CAMTA1: variants seen among roughly 807,000 people sequenced by gnomAD.
CAMTA1 encodes calmodulin-binding transcription activator 1.
Under a neutral mutation model 170.9 loss-of-function variants are expected in CAMTA1, and 27 were observed. The ratio of observed to expected loss-of-function variants is 0.16; its 90% CI spans 0.12 to 0.22. The LOEUF (loss-of-function observed/expected upper bound fraction) is 0.22. CAMTA1 is among the 10% of genes least tolerant of loss of function. The pLI, the probability that CAMTA1 is intolerant of heterozygous loss-of-function variation, is 1.00. For missense variants in CAMTA1, 1,619 were observed against 2,217.2 expected (o/e 0.73, Z 5.42); for synonymous variants, 833 against 891.5 (o/e 0.93, Z 1.17).
At chr1:6,931,178 C>T (rs1313338711) in intron 3 of CAMTA1, among the ~76,000 whole-genome samples, 1 of 152,114 alleles carries the variant, frequency 6.6e-6, no homozygotes. Context: ...CTGGGCACCC[C>T]TAGGGAGCTT....
chr1:7,340,931 C>T (rs1458801998), intron 5 of CAMTA1, among the ~76,000 whole-genome samples: 2 of 152,134 alleles, frequency 1.3e-5, no homozygotes, highest in African/African-American at 4.8e-5. Flanking sequence ...GGAGTGAACG[C>T]CATGATAAAA....
intron 11 of CAMTA1, among the ~76,000 whole-genome samples, chr1:7,701,974 T>C (rs12061488): frequency 0.024 from 3,683 of 152,178 alleles, 134 homozygotes; most frequent in African/African-American, 0.083. Flanking sequence ...ACTCGGGGCT[T>C]GCCTCAGGAG....
intron 11 of CAMTA1, among the ~76,000 whole-genome samples, chr1:7,687,921 C>T (rs954352900): frequency 9.2e-5 from 14 of 151,700 alleles, no homozygotes; most frequent in African/African-American, 3.1e-4. Context: ...GTGCAAGAAT[C>T]GTGCAGATTC....
intron 3 of CAMTA1, among the ~76,000 whole-genome samples, chr1:6,828,300 T>TG (rs1011922008): frequency 7.0e-5 from 10 of 143,208 alleles, no homozygotes; most frequent in Non-Finnish European, 1.2e-4. Flanking sequence ...TTTTTTTTTT[T>TG]TTTTTTTTTT....
intron 5 of CAMTA1, among the ~76,000 whole-genome samples, chr1:7,296,615 G>A (rs1673978604): frequency 6.6e-6 from 1 of 152,180 alleles, no homozygotes; most frequent in Admixed American, 6.5e-5. Flanking sequence ...CTGAGTGAAT[G>A]ACGGTGCTAT....
chr1:7,264,922 A>C (rs1240031271), intron 5 of CAMTA1, among the ~76,000 whole-genome samples: 3 of 152,200 alleles, frequency 2.0e-5, no homozygotes, highest in African/African-American at 7.2e-5. Flanking sequence ...TTTGTTTATA[A>C]AAAGCCAAAT....
chr1:7,313,214 C>T (rs1677004812), intron 5 of CAMTA1, among the ~76,000 whole-genome samples: 1 of 152,164 alleles, frequency 6.6e-6, no homozygotes, highest in Non-Finnish European at 1.5e-5. Context: ...TTCCCTATCT[C>T]CAGCCAACAG....
In CAMTA1 at chr1:7,732,930, A is replaced by G. The variant is rs1184467559; in HGVS notation, c.3066+331A>G. On this transcript the variant is annotated intron_variant, in intron 12 of 22. Transcript: ENST00000303635. The surrounding 1 kb of genome is among the most constrained non-coding windows in gnomAD (Gnocchi z 4.1). Reference sequence around the variant, plus strand: ...AGAGGCTGGCTGGGCATGGTGGCTCACGCCTATAATCCCAGCGCTGTAGGA... The same window carrying G: ...AGAGGCTGGCTGGGCATGGTGGCTCGCGCCTATAATCCCAGCGCTGTAGGA... Among the ~76,000 whole-genome samples, 3 of 152,204 alleles carry G rather than the reference A, an allele frequency of 2.0e-5. No homozygotes were observed. The highest frequency in any genetic ancestry group is 7.2e-5 in the African/African-American group (3 of 41,428).
intron 3 of CAMTA1, among the ~76,000 whole-genome samples, chr1:7,046,782 C>G (rs1705452554): frequency 6.6e-6 from 1 of 152,186 alleles, no homozygotes; most frequent in African/African-American, 2.4e-5. Flanking sequence ...CTTGATTTTT[C>G]TTATCTGTAA....
intron 22 of CAMTA1, among the ~76,000 whole-genome samples, chr1:7,761,590 A>G (rs751269362): frequency 2.6e-5 from 4 of 152,226 alleles, no homozygotes; most frequent in South Asian, 2.1e-4. Flanking sequence ...TCCAAGTTCT[A>G]TAGATATGGT....
rs1218290118 is a variant in CAMTA1, at chr1:7,547,454, A to T, written c.510+79553A>T. On this transcript the variant is annotated intron_variant, in intron 6 of 22. Coordinates refer to ENST00000303635, the MANE Select transcript of CAMTA1 (RefSeq NM_015215.4). The surrounding 1 kb of genome is among the most constrained non-coding windows in gnomAD (Gnocchi z 5.7). ...ATTCAACCAACAACGGGCCAAAAAT[A>T]TCCAGGAAAAAAATTGCATTTGTAC... is the stretch of plus-strand genomic sequence containing the variant. 6.6e-6 allele frequency among the ~76,000 whole-genome samples: 1 copy of T among 152,182 alleles called. No individual in the cohort carries two copies. Among genetic ancestry groups the T allele is most frequent in the South Asian group, 2.1e-4 (1 of 4,834 alleles).
At chr1:7,318,507 G>C (rs1013640631) in intron 5 of CAMTA1, among the ~76,000 whole-genome samples, 14 of 152,218 alleles carry the variant, frequency 9.2e-5, no homozygotes, top group Non-Finnish European at 1.9e-4. Flanking sequence ...TGTGACCAGA[G>C]CTACGTATTT....
intron 6 of CAMTA1, among the ~76,000 whole-genome samples, chr1:7,491,032 G>C (rs183764104): frequency 6.6e-6 from 1 of 152,200 alleles, no homozygotes; most frequent in East Asian, 1.9e-4. Context: ...GAATTTGTGT[G>C]AGTTTTGTTG....
chr1:7,136,287 CT>C (rs1645539814), intron 4 of CAMTA1, among the ~76,000 whole-genome samples: 2 of 152,246 alleles, frequency 1.3e-5, no homozygotes, highest in Non-Finnish European at 2.9e-5. Context: ...CTGCCCACCC[CT>C]CTGTGTCTGC....
rs2096176180 is a variant in CAMTA1 at position 7,680,267 on chromosome 1, G to A, written c.2914+2534G>A. 2 of 224,192 alleles carry A rather than the reference G, an allele frequency of 8.9e-6. No individual in the cohort carries two copies. The highest frequency in any genetic ancestry group is 9.6e-6 in the Non-Finnish European group (1 of 103,988). 13.9% of individuals were successfully genotyped at this position (224,192 alleles called of 1,614,324 possible). A position where few individuals can be genotyped will look rare whatever the true frequency, so the allele number is the denominator to read the frequency against. On this transcript the variant is annotated intron_variant, in intron 11 of 22. Coordinates refer to ENST00000303635, the MANE Select transcript of CAMTA1 (RefSeq NM_015215.4). The surrounding 1 kb of genome is among the most constrained non-coding windows in gnomAD (Gnocchi z 4.4). ...CTCCCGGCCCCTCCCCTCGGTCTCCGCAGCTTCTCGGCTCAGCCCCTCCCG... is the reference window on the plus strand; with the variant it reads ...CTCCCGGCCCCTCCCCTCGGTCTCCACAGCTTCTCGGCTCAGCCCCTCCCG...
At chr1:7,327,422 A>AG (rs1417854937) in intron 5 of CAMTA1, among the ~76,000 whole-genome samples, 4 of 151,544 alleles carry the variant, frequency 2.6e-5, no homozygotes, top group Non-Finnish European at 4.4e-5. Context: ...AAAAAAAAAA[A>AG]AAAGAAAAAA....
chr1:6,853,586 A>G (rs999914034), intron 3 of CAMTA1, among the ~76,000 whole-genome samples: 3 of 152,144 alleles, frequency 2.0e-5, no homozygotes, highest in African/African-American at 7.2e-5. Flanking sequence ...AACTTAGTCT[A>G]TCAGTAATTA....
At chr1:7,690,129 CTCCA>C (rs2096294580) in intron 11 of CAMTA1, among the ~76,000 whole-genome samples, 2 of 152,032 alleles carry the variant, frequency 1.3e-5, no homozygotes, top group African/African-American at 4.8e-5. Context: ...CGCCACTGCA[CTCCA>C]GCCTAGGCAA....
At chr1:7,335,098 A>G (rs967989451) in intron 5 of CAMTA1, among the ~76,000 whole-genome samples, 1 of 72,162 alleles carries the variant, frequency 1.4e-5, no homozygotes, top group Non-Finnish European at 2.5e-5. Context: ...ACTACGGAGA[A>G]GAGGGCTTGT....
Sources: gnomAD v4.1 joint callset for allele counts (sites outside exome capture counted in the v4.1 genomes callset) on GRCh38, gnomAD v4.1.1 for gene constraint, Gnocchi (gnomAD v3.1) non-coding constraint, MANE v1.5 for transcripts, NCBI Gene and HGNC (gene_info 2026-07-23, HGNC 2026-07-21) for gene names.